ELP4: variants seen among roughly 807,000 people sequenced by gnomAD.
The protein encoded by ELP4 is elongator acetyltransferase complex subunit 4.
ELP4 carries 51 observed loss-of-function variants against 48.9 expected under a neutral mutation model. That is an observed-to-expected ratio of 1.04 (90% CI 0.83 to 1.32). The LOEUF is 1.32. Ranked by LOEUF, ELP4 falls within the 40% of genes most tolerant of loss-of-function variation. The probability of loss-of-function intolerance (pLI) is 0.00; values close to 1 mark genes in which losing one functional copy is unlikely to be tolerated. For missense variants in ELP4, 519 were observed against 514.6 expected (o/e 1.01, Z -0.08); for synonymous variants, 210 against 189.2 (o/e 1.11, Z -0.90).
intron 9 of ELP4, among the ~76,000 whole-genome samples, chr11:31,666,691 CAAAAA>C (rs11285658): frequency 9.5e-6 from 1 of 104,890 alleles, no homozygotes; most frequent in Non-Finnish European, 2.0e-5. Flanking sequence ...GATTCTGTCT[CAAAAA>C]AAAAAAAAAA....
chr11:31,747,277 T>C (rs756229656), intron 9 of ELP4, among the ~76,000 whole-genome samples: 1 of 152,118 alleles, frequency 6.6e-6, no homozygotes, highest in Non-Finnish European at 1.5e-5. Context: ...GAGTATGAGA[T>C]CTGGGGCCAA....
intron 3 of ELP4, among the ~76,000 whole-genome samples, chr11:31,546,371 A>T (rs1039884271): frequency 6.6e-6 from 1 of 152,312 alleles, no homozygotes; most frequent in East Asian, 1.9e-4. Context: ...ACCAACAAAG[A>T]TCAAAAGGAA....
chr11:31,703,740 T>C (rs1322446355), intron 9 of ELP4, among the ~76,000 whole-genome samples: 1 of 152,186 alleles, frequency 6.6e-6, no homozygotes, highest in Non-Finnish European at 1.5e-5. Flanking sequence ...TTATTATATG[T>C]TTTTAAGGAA....
chr11:31,593,410 C>CT (rs1398194567), intron 3 of ELP4, among the ~76,000 whole-genome samples: 1 of 151,988 alleles, frequency 6.6e-6, no homozygotes, highest in African/African-American at 2.4e-5. Flanking sequence ...CCCAGCTAAT[C>CT]TTTTTGTATT....
chr11:31,730,866 C>G (rs891392098), intron 9 of ELP4, among the ~76,000 whole-genome samples: 24 of 152,178 alleles, frequency 1.6e-4, no homozygotes, highest in African/African-American at 5.3e-4. Flanking sequence ...TTCTAGATTC[C>G]TGGGGGTCAC....
At chr11:31,703,532 G>A (rs1397570905) in intron 9 of ELP4, among the ~76,000 whole-genome samples, 3 of 152,156 alleles carry the variant, frequency 2.0e-5, no homozygotes, top group Non-Finnish European at 4.4e-5. Context: ...TGCTCTTATT[G>A]TCACCATTTT....
intron 9 of ELP4, among the ~76,000 whole-genome samples, chr11:31,667,463 A>T (rs1945704769): frequency 6.6e-6 from 1 of 152,194 alleles, no homozygotes. Flanking sequence ...TACTTAGTAT[A>T]ATGAGTGAAA....
intron 9 of ELP4, among the ~76,000 whole-genome samples, chr11:31,767,018 T>G (rs900675429): frequency 2.6e-5 from 4 of 152,230 alleles, no homozygotes; most frequent in Admixed American, 6.5e-5. Context: ...AATCATGCTT[T>G]CTTTTGCTCT....
At chr11:31,693,125 G>A (rs994348271) in intron 9 of ELP4, among the ~76,000 whole-genome samples, 24 of 151,956 alleles carry the variant, frequency 1.6e-4, no homozygotes, top group African/African-American at 9.7e-5. Flanking sequence ...AAGGAGTAAC[G>A]TGCTGAATGG....
intron 7 of ELP4, among the ~76,000 whole-genome samples, chr11:31,644,677 C>A (rs894910204): frequency 7.9e-5 from 12 of 151,494 alleles, no homozygotes; most frequent in Non-Finnish European, 1.3e-4. Flanking sequence ...TCTAAAAGAC[C>A]ATTTAGTATT....
rs150210490 is a variant in ELP4, at chr11:31,510,047, A to G, written c.223+40A>G. 12 of 1,583,936 alleles carry G rather than the reference A, an allele frequency of 7.6e-6. No homozygotes were observed. In the East Asian group the frequency reaches 2.5e-4, roughly 33 times the overall value. On this transcript the variant is annotated intron_variant, in intron 1 of 9. Coordinates refer to ENST00000640961, the MANE Select transcript of ELP4 (RefSeq NM_019040.5). Reference sequence around the variant, plus strand: ...GAGATCTGGGCTCAGCCGAGGGGAAACTTAGGGAGGGGACCTGTCGGGGAA... The same window carrying G: ...GAGATCTGGGCTCAGCCGAGGGGAAGCTTAGGGAGGGGACCTGTCGGGGAA...
intron 9 of ELP4, among the ~76,000 whole-genome samples, chr11:31,717,984 C>G (rs527324123): frequency 6.6e-5 from 10 of 151,908 alleles, no homozygotes; most frequent in Non-Finnish European, 1.0e-4. Flanking sequence ...TTTAATGGAC[C>G]CGGGGTCTCA....
chr11:31,738,421 T>A lies in ELP4; in HGVS notation c.1144-44972T>A, dbSNP rs57626058. Among the ~76,000 whole-genome samples, 1,184 of 145,790 alleles carry A rather than the reference T, an allele frequency of 8.1e-3. 12 individuals carry two copies. Among genetic ancestry groups the A allele is most frequent in the African/African-American group, 0.029 (1,132 of 39,494 alleles). On this transcript the variant is annotated intron_variant, in intron 9 of 9. Transcript: ENST00000640961. ...AGTGAGATCCTGTCTCAAAAAAAAA[T>A]AAATGAATAAATAAAAATAAAAAAC... is the stretch of plus-strand genomic sequence containing the variant.
chr11:31,643,258 A>C (rs1329516478), intron 7 of ELP4, among the ~76,000 whole-genome samples: 1 of 151,726 alleles, frequency 6.6e-6, no homozygotes, highest in Admixed American at 6.6e-5. Context: ...TTTGTGCCAT[A>C]CTCAAATGAG....
intron 9 of ELP4, among the ~76,000 whole-genome samples, chr11:31,699,128 A>G (rs1946469704): frequency 6.6e-6 from 1 of 152,196 alleles, no homozygotes; most frequent in Non-Finnish European, 1.5e-5. Flanking sequence ...TGACAACCCT[A>G]GGGAATACTC....
intron 3 of ELP4, among the ~76,000 whole-genome samples, chr11:31,566,244 G>C (rs1957109460): frequency 6.6e-6 from 1 of 152,030 alleles, no homozygotes; most frequent in African/African-American, 2.4e-5. Context: ...TGTAGTCCCA[G>C]CTAGTTGGGA....
chr11:31,594,300 C>T (rs1162789945), intron 3 of ELP4, among the ~76,000 whole-genome samples: 4 of 152,092 alleles, frequency 2.6e-5, no homozygotes, highest in Non-Finnish European at 5.9e-5. Context: ...AAATAAATGT[C>T]ATTATTCTTA....
chr11:31,540,735 G>A (rs1956578077), intron 3 of ELP4, among the ~76,000 whole-genome samples: 1 of 152,148 alleles, frequency 6.6e-6, no homozygotes, highest in African/African-American at 2.4e-5. Flanking sequence ...ATGATAATAA[G>A]AGAATTCTGG....
intron 3 of ELP4, chr11:31,573,655 T>C (rs1435560349): frequency 6.6e-6 from 1 of 152,172 alleles, no homozygotes; most frequent in African/African-American, 2.4e-5. Flanking sequence ...ATTACCTTTA[T>C]TATCTCATTT....
Sources: gnomAD v4.1 joint callset for allele counts (sites outside exome capture counted in the v4.1 genomes callset) on GRCh38, gnomAD v4.1.1 for gene constraint, MANE v1.5 for transcripts, NCBI Gene and HGNC (gene_info 2026-07-23, HGNC 2026-07-21) for gene names.